ANO3: variants seen among roughly 807,000 people sequenced by gnomAD.
ANO3 encodes anoctamin-3.
ANO3 carries 99 observed loss-of-function variants against 144.8 expected under a neutral mutation model. That is an observed-to-expected ratio of 0.68 (90% CI 0.58 to 0.81). The LOEUF (loss-of-function observed/expected upper bound fraction) is 0.81, where lower values mean the gene tolerates loss of function less well. Ranked by LOEUF, ANO3 falls within the 30% of genes least tolerant of loss-of-function variation. The pLI, the probability that ANO3 is intolerant of heterozygous loss-of-function variation, is 0.00. For missense variants in ANO3, 905 were observed against 1,202.2 expected (o/e 0.75, Z 3.66); for synonymous variants, 414 against 392.6 (o/e 1.05, Z -0.64).
At chr11:26,501,748 T>A (rs931810683) in intron 4 of ANO3, among the ~76,000 whole-genome samples, 3 of 152,124 alleles carry the variant, frequency 2.0e-5, no homozygotes, top group Non-Finnish European at 4.4e-5. Flanking sequence ...CAAATGTAAG[T>A]CGAATGGAAA....
intron 14 of ANO3, among the ~76,000 whole-genome samples, chr11:26,564,266 G>A (rs1015634596): frequency 6.6e-6 from 1 of 151,442 alleles, no homozygotes; most frequent in African/African-American, 2.4e-5. Context: ...ACAATATATT[G>A]ATAGTGGTAT....
intron 14 of ANO3, among the ~76,000 whole-genome samples, chr11:26,576,486 G>A (rs1292476097): frequency 6.6e-6 from 1 of 152,106 alleles, no homozygotes; most frequent in Non-Finnish European, 1.5e-5. Flanking sequence ...TTTTGAATTT[G>A]CATCTCTCAG....
chr11:26,473,115 T>C (rs1859841520), intron 4 of ANO3, among the ~76,000 whole-genome samples: 1 of 151,908 alleles, frequency 6.6e-6, no homozygotes, highest in Non-Finnish European at 1.5e-5. Context: ...GTTTCAAACA[T>C]TGTGTGAAGT....
chr11:26,557,447 C>T (rs545647721), intron 13 of ANO3, among the ~76,000 whole-genome samples: 7 of 141,086 alleles, frequency 5.0e-5, no homozygotes, highest in South Asian at 2.3e-4. Flanking sequence ...GGCAACAGAG[C>T]GAGACTCTGT....
intron 6 of ANO3, among the ~76,000 whole-genome samples, chr11:26,520,109 T>C (rs1357545609): frequency 6.6e-6 from 1 of 152,194 alleles, no homozygotes. Flanking sequence ...TAAAAAATCT[T>C]TATCACAATT....
At chr11:26,617,478 A>G (rs1852293762) in intron 17 of ANO3, among the ~76,000 whole-genome samples, 1 of 152,236 alleles carries the variant, frequency 6.6e-6, no homozygotes, top group African/African-American at 2.4e-5. Flanking sequence ...GAATCTTTTG[A>G]GAGCCTCAGC....
chr11:26,265,312 C>T (rs1370775668), intron 1 of ANO3, among the ~76,000 whole-genome samples: 5 of 152,096 alleles, frequency 3.3e-5, no homozygotes, highest in African/African-American at 7.2e-5. Context: ...AGGGTTATCA[C>T]CTGGTACAAT....
chr11:26,416,686 A>G (rs546552567), intron 1 of ANO3, among the ~76,000 whole-genome samples: 2 of 152,024 alleles, frequency 1.3e-5, no homozygotes, highest in African/African-American at 4.8e-5. Flanking sequence ...CGGCCTCCCA[A>G]TAGTTTTAGT....
intron 1 of ANO3, among the ~76,000 whole-genome samples, chr11:26,290,665 T>A (rs1459846708): frequency 6.6e-6 from 1 of 152,186 alleles, no homozygotes; most frequent in Non-Finnish European, 1.5e-5. Flanking sequence ...AATTCATTAT[T>A]TACCCAGTAG....
intron 1 of ANO3, among the ~76,000 whole-genome samples, chr11:26,391,312 G>GTA (rs1292079249): frequency 6.6e-6 from 1 of 151,934 alleles, no homozygotes; most frequent in African/African-American, 2.4e-5. Context: ...TGTTCCCTGG[G>GTA]TAACTCATTA....
intron 1 of ANO3, among the ~76,000 whole-genome samples, chr11:26,215,789 G>A (rs193064545): frequency 6.3e-4 from 95 of 151,754 alleles, no homozygotes; most frequent in African/African-American, 2.1e-3. Context: ...CTGATGTACC[G>A]GACTCTAATC....
In ANO3 at chr11:26,276,187, A is replaced by AT. The variant is rs1853554819; in HGVS notation, c.155-33457dup. ...TTCCTGACCCATTTTTCATATCGGT[A>AT]TCCCAAAAGATACCATACTTATTTG... On this transcript the variant is annotated intron_variant, in intron 1 of 27. Transcript: ENST00000672621. Among the ~76,000 whole-genome samples the AT allele has an allele frequency of 5.3e-5, 8 of 152,256 alleles. No individual in the cohort carries two copies. The South Asian group carries it at 1.7e-3, about 32-fold the overall frequency.
intron 1 of ANO3, among the ~76,000 whole-genome samples, chr11:26,317,032 A>G (rs1159907181): frequency 6.6e-6 from 1 of 152,180 alleles, no homozygotes; most frequent in African/African-American, 2.4e-5. Flanking sequence ...CTGTGGTCGC[A>G]TTCAGTGTAA....
chr11:26,636,623 A>G (rs1194050672), intron 20 of ANO3, among the ~76,000 whole-genome samples: 1 of 152,216 alleles, frequency 6.6e-6, no homozygotes, highest in African/African-American at 2.4e-5. Context: ...TAATTTCCCT[A>G]CAATTGTACA....
At chr11:26,487,736 A>G (rs1325747133) in intron 4 of ANO3, among the ~76,000 whole-genome samples, 1 of 152,226 alleles carries the variant, frequency 6.6e-6, no homozygotes, top group African/African-American at 2.4e-5. Context: ...ACGTCACCAA[A>G]GAGACTGGTG....
intron 1 of ANO3, among the ~76,000 whole-genome samples, chr11:26,203,044 A>T (rs1851728821): frequency 6.6e-6 from 1 of 152,140 alleles, no homozygotes; most frequent in Non-Finnish European, 1.5e-5. Context: ...GGATTTAAAC[A>T]TAAGACAAGC....
intron 6 of ANO3, among the ~76,000 whole-genome samples, chr11:26,518,111 T>C (rs1861928739): frequency 6.6e-6 from 1 of 152,028 alleles, no homozygotes; most frequent in South Asian, 2.1e-4. Flanking sequence ...GGAAATAATA[T>C]TCTTTCCAAT....
chr11:26,409,461 TG>T lies in ANO3; in HGVS notation c.47-32456del, dbSNP rs995074855. ...TGGCCCTGAAGAATGCACATGAAAT[TG>T]TTTTTTTCTACCTCCAGTATATAAC... On this transcript the variant is annotated intron_variant, in intron 1 of 26. Coordinates refer to ENST00000256737, the MANE Select transcript of ANO3 (RefSeq NM_031418.4). Among the ~76,000 whole-genome samples the T allele has an allele frequency of 6.3e-4, 4 of 6,312 alleles. No individual in the cohort carries two copies. The Non-Finnish European group carries it at 0.022, about 35-fold the overall frequency. The allele number at this position is 6,312 out of a possible 152,430, so 4.1% of individuals were successfully genotyped here. A position where few individuals can be genotyped will look rare whatever the true frequency, so the allele number is the denominator to read the frequency against.
At chr11:26,597,946 G>T (rs967157467) in intron 14 of ANO3, among the ~76,000 whole-genome samples, 2 of 151,990 alleles carry the variant, frequency 1.3e-5, no homozygotes, top group African/African-American at 4.8e-5. Flanking sequence ...TTGTTCTTTT[G>T]TTCTCTCTCC....
Sources: allele counts gnomAD v4.1 joint callset (sites outside exome capture counted in the v4.1 genomes callset), GRCh38; gene constraint gnomAD v4.1.1; transcripts MANE v1.5; gene names NCBI Gene and HGNC (gene_info 2026-07-23, HGNC 2026-07-21).